Variants in AP2A2 observed in about 807,000 individuals in gnomAD.
AP2A2 encodes AP-2 complex subunit alpha-2.
In AP2A2, 32 loss-of-function variants were observed where a neutral mutation model predicts 104.2. The ratio of observed to expected loss-of-function variants is 0.31; its 90% CI spans 0.23 to 0.41. The LOEUF (loss-of-function observed/expected upper bound fraction) is 0.41, where lower values mean the gene tolerates loss of function less well. AP2A2 is among the 10% of genes least tolerant of loss of function. AP2A2 has a pLI of 1.00. For synonymous variants in AP2A2, 539 were observed against 533.3 expected (o/e 1.01, Z -0.15); for missense variants, 912 against 1,261.0 (o/e 0.72, Z 4.19).
Position 993,760 on chromosome 11 carries a change from G to A in AP2A2, c.1557G>A (p.Leu519=). The A allele has an allele frequency of 4.4e-6, 7 of 1,593,942 alleles. No homozygotes were observed. The highest frequency in any genetic ancestry group is 1.1e-5 in the South Asian group (1 of 88,458). ...LIAGDPRSSP[L]IQFHLLHSKF... is the part of the protein sequence containing the mutation. ...TGTGCCTCCCCGTCCCCAGCCCGCT[G>A]ATCCAGTTCCACCTGCTGCACTCCA... is the stretch of plus-strand genomic sequence containing the variant. Residue 519 remains leucine (L), a synonymous_variant, in exon 13 of 22, where the codon CTG becomes CTA. Transcript: ENST00000448903. This position sits in a 1 kb window ranked among gnomAD's most constrained non-coding sequence, Gnocchi z 8.2.
intron 14 of AP2A2, among the ~76,000 whole-genome samples, chr11:999,964 C>T (rs1219477496): frequency 5.9e-5 from 9 of 151,864 alleles, no homozygotes; most frequent in Admixed American, 2.6e-4. Context: ...CCACCACGCC[C>T]GGCTAATTTT....
chr11:1,011,329 C>T lies in AP2A2; in HGVS notation c.*704C>T, dbSNP rs766942323. On this transcript the variant is annotated 3_prime_UTR_variant, in exon 22 of 22. Coordinates refer to ENST00000448903, the MANE Select transcript of AP2A2 (RefSeq NM_012305.4). ...CAGGGGAGGAGCGTCCTGCCGGCCC[C>T]GCAGGGCCCCCAGGACTCCAGGGTA... 2.5e-5 allele frequency: 13 copies of T among 518,584 alleles called. No individual in the cohort carries two copies. The highest frequency in any genetic ancestry group is 7.0e-5 in the South Asian group (5 of 71,580). The allele number at this position is 518,584 out of a possible 1,614,324, so 32.1% of individuals were successfully genotyped here.
At chr11:946,887 A>T (rs1853857697) in intron 1 of AP2A2, 1 of 152,194 alleles carries the variant, frequency 6.6e-6, no homozygotes, top group Non-Finnish European at 1.5e-5. Context: ...GAATGAAAGG[A>T]CACTAGGTGG....
chr11:956,216 C>A (rs1854228431), intron 1 of AP2A2, among the ~76,000 whole-genome samples: 1 of 151,876 alleles, frequency 6.6e-6, no homozygotes, highest in Admixed American at 6.6e-5. Flanking sequence ...GGGATGGAAT[C>A]TTGCTCTGTC....
intron 2 of AP2A2, among the ~76,000 whole-genome samples, chr11:963,716 G>A (rs753590930): frequency 7.2e-5 from 11 of 152,156 alleles, no homozygotes; most frequent in African/African-American, 1.4e-4. Context: ...TCAACCCCCC[G>A]GGCTCAAGCC....
intron 1 of AP2A2, among the ~76,000 whole-genome samples, chr11:927,834 AAAAAAAG>A: frequency 6.6e-6 from 1 of 151,116 alleles, no homozygotes; most frequent in African/African-American, 2.4e-5. Flanking sequence ...AAAAAAAAAA[AAAAAAAG>A]GCTTAGAAAC....
At chr11:944,278 G>C (rs949019481) in intron 1 of AP2A2, among the ~76,000 whole-genome samples, 9 of 152,152 alleles carry the variant, frequency 5.9e-5, no homozygotes, top group African/African-American at 2.2e-4. Flanking sequence ...GACAGTTTTT[G>C]GTGCATTATG....
chr11:974,934 G>A (rs1277696631), intron 4 of AP2A2, among the ~76,000 whole-genome samples: 2 of 152,194 alleles, frequency 1.3e-5, no homozygotes, highest in Admixed American at 1.3e-4. Flanking sequence ...GCAGTGAGCC[G>A]AGATTGCTCC....
intron 1 of AP2A2, among the ~76,000 whole-genome samples, chr11:944,286 A>G (rs979175917): frequency 6.6e-6 from 1 of 152,200 alleles, no homozygotes; most frequent in Non-Finnish European, 1.5e-5. Flanking sequence ...TTGGTGCATT[A>G]TGAGCACTCA....
chr11:928,132 C>A (rs762586722), intron 1 of AP2A2, among the ~76,000 whole-genome samples: 1 of 152,178 alleles, frequency 6.6e-6, no homozygotes, highest in Non-Finnish European at 1.5e-5. Flanking sequence ...GACAGGATGG[C>A]GCCTACCACA....
At chr11:950,770 C>A (rs185628520) in intron 1 of AP2A2, among the ~76,000 whole-genome samples, 1 of 152,110 alleles carries the variant, frequency 6.6e-6, no homozygotes. Flanking sequence ...TAAAAAACTT[C>A]ATGAAGACAA....
At position 963,192 on chromosome 11, in the gene AP2A2, G is replaced by A. The variant is rs1199367071; in HGVS notation, c.136+3687G>A. On this transcript the variant is annotated intron_variant, in intron 2 of 21. Coordinates refer to ENST00000448903, the MANE Select transcript of AP2A2 (RefSeq NM_012305.4). The stretch of plus-strand genomic sequence containing the variant: ...TGTAATTCCAGCCCTTTGGGAGGCC[G>A]AGGTGGCTGGATCAGTTGAGGTCAG... Among the ~76,000 whole-genome samples the A allele has an allele frequency of 3.3e-5, 5 of 152,218 alleles. No individual in the cohort carries two copies. In the East Asian group the frequency reaches 7.7e-4, roughly 24 times the overall value.
In AP2A2 at chr11:989,926, G is replaced by A. The variant is rs138996452; in HGVS notation, c.1269+1237G>A. ...GCGCTTTGTTATTTGTTTTTTTTGG[G>A]CGAAGTGCGGCTCAAGGCCTCCTTG... is the stretch of plus-strand genomic sequence containing the variant. On this transcript the variant is annotated intron_variant, in intron 10 of 21. Transcript: ENST00000448903. 1.1e-3 allele frequency among the ~76,000 whole-genome samples: 161 copies of A among 152,288 alleles called. 1 individual carries two copies. The highest frequency in any genetic ancestry group is 3.7e-3 in the African/African-American group (154 of 41,564).
chr11:981,984 G>A (rs970427935), intron 6 of AP2A2, among the ~76,000 whole-genome samples: 1 of 152,278 alleles, frequency 6.6e-6, no homozygotes, highest in African/African-American at 2.4e-5. Flanking sequence ...GCGCGGGCGC[G>A]GCACGCGTAG....
chr11:972,382 G>C, intron 4 of AP2A2, 127 bp downstream of exon 4: 2 of 1,106,094 alleles, frequency 1.8e-6, no homozygotes, highest in Non-Finnish European at 1.3e-6. Context: ...ATGAGATGTA[G>C]CCTAAGGTGG....
At chr11:927,606 A>C (rs1853161568) in intron 1 of AP2A2, among the ~76,000 whole-genome samples, 3 of 151,856 alleles carry the variant, frequency 2.0e-5, no homozygotes. Flanking sequence ...TTTTGAGCCC[A>C]GAAGTTTGAG....
intron 5 of AP2A2, among the ~76,000 whole-genome samples, chr11:978,401 GC>G (rs754125999): frequency 2.0e-4 from 30 of 152,316 alleles, no homozygotes; most frequent in Non-Finnish European, 2.1e-4. Context: ...GCAGGGCCTT[GC>G]CTCAGATGGC....
chr11:976,996 C>G (rs1855064235), intron 4 of AP2A2, 99 bp from the exon 5 acceptor site: 1 of 1,529,068 alleles, frequency 6.5e-7, no homozygotes, highest in African/African-American at 1.4e-5. Context: ...CCTGCGCCAG[C>G]CCCACCCCCG....
In AP2A2 at chr11:972,357, C is replaced by T. The variant is rs528660273; in HGVS notation, c.473+102C>T. On this transcript the variant is annotated intron_variant, in intron 4 of 21. Coordinates refer to ENST00000448903, the MANE Select transcript of AP2A2 (RefSeq NM_012305.4). ...TTAGCCTAGGAAATGTTTTACTCTC[C>T]CCATCTTATGGGAGATGAGATGTAG... 19 of 1,265,142 alleles carry T rather than the reference C, an allele frequency of 1.5e-5. No individual in the cohort carries two copies. The South Asian group carries it at 2.6e-4, about 17-fold the overall frequency. 78.4% of individuals were successfully genotyped at this position (1,265,142 alleles called of 1,614,324 possible). A position where few individuals can be genotyped will look rare whatever the true frequency, so the allele number is the denominator to read the frequency against.
Sources: gnomAD v4.1 joint callset for allele counts (sites outside exome capture counted in the v4.1 genomes callset) on GRCh38, gnomAD v4.1.1 for gene constraint, Gnocchi (gnomAD v3.1) non-coding constraint, MANE v1.5 for transcripts, NCBI Gene and HGNC (gene_info 2026-07-23, HGNC 2026-07-21) for gene names.